S100Z: variants seen among roughly 807,000 people sequenced by gnomAD.
S100Z encodes protein S100-Z.
S100Z carries 11 observed loss-of-function variants against 8.5 expected under a neutral mutation model. The observed-to-expected ratio is 1.30, with a 90% CI of 0.82 to 2.15. The LOEUF (loss-of-function observed/expected upper bound fraction) is 2.15, where lower values mean the gene tolerates loss of function less well. S100Z is among the 30% of genes most tolerant of loss of function. The probability of loss-of-function intolerance (pLI) is 0.00; values close to 1 mark genes in which losing one functional copy is unlikely to be tolerated. For synonymous variants in S100Z, 34 were observed against 43.8 expected (o/e 0.78, Z 0.89); for missense variants, 126 against 117.9 (o/e 1.07, Z -0.32).
chr5:76,869,583 A>G (rs970343520), intron 1 of S100Z, among the ~76,000 whole-genome samples: 3 of 152,226 alleles, frequency 2.0e-5, no homozygotes, highest in Non-Finnish European at 2.9e-5. Context: ...AGCTTCTCTG[A>G]CAGCAGAATA....
At chr5:76,856,793 T>G (rs1750893893) in intron 1 of S100Z, among the ~76,000 whole-genome samples, 1 of 152,174 alleles carries the variant, frequency 6.6e-6, no homozygotes, top group East Asian at 1.9e-4. Flanking sequence ...CTCAGGGGCC[T>G]TGGGTTAGGA....
chr5:76,949,575 G>A, the S100Z span, among the ~76,000 whole-genome samples: 12 of 152,024 alleles, frequency 7.9e-5, no homozygotes, highest in African/African-American at 1.2e-4. Context: ...AAATGTTGAC[G>A]AATGAATAAA....
At chr5:76,924,770 C>T (rs1443615761), downstream of S100Z, among the ~76,000 whole-genome samples, 1 of 152,044 alleles carries the variant, frequency 6.6e-6, no homozygotes, top group Non-Finnish European at 1.5e-5. Flanking sequence ...ATTAGCCGGG[C>T]ATGGTGGCAG....
At chr5:76,878,812 A>C (rs2150645263) in intron 4 of S100Z, among the ~76,000 whole-genome samples, 1 of 152,320 alleles carries the variant, frequency 6.6e-6, no homozygotes, top group South Asian at 2.1e-4. Flanking sequence ...TCAGCACTGG[A>C]GATGAAGAGA....
intron 1 of S100Z, among the ~76,000 whole-genome samples, chr5:76,861,659 A>G (rs2359422): frequency 0.52 from 78,764 of 151,974 alleles, 21,304 homozygotes; most frequent in South Asian, 0.69. Flanking sequence ...TGTCTTTTAT[A>G]CCCCCGTCTC....
intron 2 of S100Z, among the ~76,000 whole-genome samples, chr5:76,872,050 AG>A (rs1185492884): frequency 3.9e-5 from 6 of 152,072 alleles, no homozygotes; most frequent in African/African-American, 7.2e-5. Flanking sequence ...CAGCTTGGGC[AG>A]CATAGTGAGA....
chr5:76,926,771 T>A, the S100Z span, among the ~76,000 whole-genome samples: 1 of 152,166 alleles, frequency 6.6e-6, no homozygotes, highest in Non-Finnish European at 1.5e-5. Flanking sequence ...ATTGACAGTT[T>A]CCAGCTTGCG....
chr5:76,942,300 C>T, the S100Z span, among the ~76,000 whole-genome samples: 141 of 151,742 alleles, frequency 9.3e-4, no homozygotes, highest in African/African-American at 3.3e-3. Flanking sequence ...TTAGTAGAGA[C>T]GGGGTTTCAC....
At chr5:76,853,813 A>G (rs1198492012) in intron 1 of S100Z, among the ~76,000 whole-genome samples, 1 of 151,188 alleles carries the variant, frequency 6.6e-6, no homozygotes, top group African/African-American at 2.4e-5. Context: ...AAAAAAAAAG[A>G]AATTGTAATC....
chr5:76,908,338 C>G (rs1203806248), intron 4 of S100Z, among the ~76,000 whole-genome samples: 1 of 152,128 alleles, frequency 6.6e-6, no homozygotes, highest in Non-Finnish European at 1.5e-5. Flanking sequence ...TCATGTCGCC[C>G]AAGCAAGACT....
At chr5:76,922,813 A>G (rs1430348514), downstream of S100Z, among the ~76,000 whole-genome samples, 7 of 152,110 alleles carry the variant, frequency 4.6e-5, no homozygotes, top group Non-Finnish European at 7.4e-5. Context: ...ATGAGCCACC[A>G]TGCCTAGCCA....
chr5:76,901,313 G>C (rs541784435), intron 4 of S100Z, among the ~76,000 whole-genome samples: 148 of 152,322 alleles, frequency 9.7e-4, no homozygotes, highest in Non-Finnish European at 1.7e-3. Flanking sequence ...TTCCCTTAAG[G>C]GTTTTAAGGT....
rs148545330 is a variant in S100Z at position 76,873,421 on chromosome 5, C to T, written c.-56-1883C>T. 9.1e-3 allele frequency among the ~76,000 whole-genome samples: 1,383 copies of T among 151,494 alleles called. 22 individuals are homozygous for T. The highest frequency in any genetic ancestry group is 0.031 in the African/African-American group (1,284 of 41,240). On this transcript the variant is annotated intron_variant, in intron 2 of 4. Coordinates refer to ENST00000317593, the MANE Select transcript of S100Z (RefSeq NM_130772.4). ...CTCCTGGGTTCAAGCAATTCTCCTG[C>T]CTCAGCCTCCCGAGTAGCTGGGACT...
intron 4 of S100Z, among the ~76,000 whole-genome samples, chr5:76,897,488 T>C (rs1218963965): frequency 1.3e-5 from 2 of 149,508 alleles, no homozygotes; most frequent in African/African-American, 5.1e-5. Context: ...AATAAATAAA[T>C]TTTAGGATTG....
intron 1 of S100Z, among the ~76,000 whole-genome samples, chr5:76,864,386 A>ATTTTTTTTT (rs56206322): frequency 4.0e-4 from 29 of 72,176 alleles, no homozygotes; most frequent in East Asian, 4.7e-4. Context: ...TGCATACTAT[A>ATTTTTTTTT]TTTTTTTTTT....
intron 4 of S100Z, among the ~76,000 whole-genome samples, chr5:76,887,896 A>G (rs1743705197): frequency 6.6e-6 from 1 of 152,154 alleles, no homozygotes. Flanking sequence ...AGAACATTTA[A>G]GAGAAGAAAT....
the S100Z span, among the ~76,000 whole-genome samples, chr5:76,952,401 CT>C: frequency 1.3e-5 from 2 of 152,216 alleles, no homozygotes; most frequent in African/African-American, 4.8e-5. Context: ...CAGAAGTCCC[CT>C]GACACCAGAG....
At position 76,877,703 on chromosome 5, in the gene S100Z, G is replaced by A. The variant is rs775129603; in HGVS notation, c.171G>A (p.Lys57=). 8 of 1,611,902 alleles carry A rather than the reference G, an allele frequency of 5.0e-6. No homozygotes were observed. The East Asian group carries it at 1.6e-4, about 31-fold the overall frequency. The change falls in exon 4 of 5, where the codon AAG becomes AAA. Residue 57 remains lysine, a synonymous_variant. Transcript: ENST00000317593. Reference sequence around the variant, plus strand: ...AAAAGGAAACCCAGTTGGTTGATAAGATAGTGCAGGACCTGGATGCCAATA... The same window carrying A: ...AAAAGGAAACCCAGTTGGTTGATAAAATAGTGCAGGACCTGGATGCCAATA... The part of the protein sequence containing the change: ...SCQKETQLVD[K]IVQDLDANKD...
the S100Z span, among the ~76,000 whole-genome samples, chr5:76,936,063 C>A: frequency 6.6e-6 from 1 of 152,162 alleles, no homozygotes; most frequent in Non-Finnish European, 1.5e-5. Flanking sequence ...AGGCGTGAGC[C>A]ACCGTGCCCG....
Sources: allele counts gnomAD v4.1 joint callset (sites outside exome capture counted in the v4.1 genomes callset), GRCh38; gene constraint gnomAD v4.1.1; transcripts MANE v1.5; gene names NCBI Gene and HGNC (gene_info 2026-07-23, HGNC 2026-07-21).